SNX3: variants seen among roughly 807,000 people sequenced by gnomAD.
The protein encoded by SNX3 is sorting nexin-3.
In SNX3, 5 loss-of-function variants were observed where a neutral mutation model predicts 17.7. The ratio of observed to expected loss-of-function variants is 0.28; its 90% confidence interval spans 0.15 to 0.59. The LOEUF (loss-of-function observed/expected upper bound fraction) is 0.59. SNX3 is among the 20% of genes least tolerant of loss of function. The pLI is 0.88. For missense variants in SNX3, 132 were observed against 206.8 expected (o/e 0.64, Z 2.22); for synonymous variants, 91 against 76.5 (o/e 1.19, Z -0.99).
At chr6:108,253,001 C>T (rs950148061) in intron 1 of SNX3, among the ~76,000 whole-genome samples, 5 of 152,106 alleles carry the variant, frequency 3.3e-5, no homozygotes, top group African/African-American at 9.7e-5. Context: ...CACCATCTTT[C>T]TTATCTGATG....
At chr6:108,247,045 C>T (rs761357313) in intron 1 of SNX3, among the ~76,000 whole-genome samples, 9 of 152,226 alleles carry the variant, frequency 5.9e-5, no homozygotes, top group Non-Finnish European at 1.3e-4. Flanking sequence ...CCCAGGTGAC[C>T]GTATCATGGG....
At chr6:108,218,536 T>A (rs1162370137) in intron 2 of SNX3, among the ~76,000 whole-genome samples, 1 of 152,086 alleles carries the variant, frequency 6.6e-6, no homozygotes, top group East Asian at 1.9e-4. Flanking sequence ...TGAAAAGAAA[T>A]GAAAACACAT....
intron 1 of SNX3, among the ~76,000 whole-genome samples, chr6:108,259,291 T>C (rs933781844): frequency 6.6e-6 from 1 of 152,214 alleles, no homozygotes; most frequent in African/African-American, 2.4e-5. Context: ...TGGAGTGCAA[T>C]GGCCCGATCT....
At chr6:108,229,880 G>A (rs1026044465) in intron 1 of SNX3, among the ~76,000 whole-genome samples, 2 of 152,132 alleles carry the variant, frequency 1.3e-5, no homozygotes, top group African/African-American at 2.4e-5. Context: ...GTGAGCATCA[G>A]GAGTTAATAA....
chr6:108,259,029 T>C (rs927273625), intron 1 of SNX3, among the ~76,000 whole-genome samples: 1 of 152,104 alleles, frequency 6.6e-6, no homozygotes, highest in South Asian at 2.1e-4. Context: ...CCAAGTTCTG[T>C]TTTAGCACAA....
At chr6:108,221,355 C>T (rs377569830) in intron 2 of SNX3, among the ~76,000 whole-genome samples, 7 of 151,768 alleles carry the variant, frequency 4.6e-5, no homozygotes, top group African/African-American at 1.4e-4. Flanking sequence ...CCCCCTCCCC[C>T]GCAATTTACC....
At chr6:108,226,868 C>G (rs910139967) in intron 1 of SNX3, among the ~76,000 whole-genome samples, 2 of 152,180 alleles carry the variant, frequency 1.3e-5, no homozygotes, top group African/African-American at 2.4e-5. Context: ...AAGCATGAAA[C>G]CAAATCTCAC....
At chr6:108,245,834 C>A (rs1446370850) in intron 1 of SNX3, among the ~76,000 whole-genome samples, 2 of 152,116 alleles carry the variant, frequency 1.3e-5, no homozygotes, top group Non-Finnish European at 2.9e-5. Context: ...CTTGTAGATT[C>A]TGGATATTAG....
intron 1 of SNX3, among the ~76,000 whole-genome samples, chr6:108,243,363 A>G (rs941592184): frequency 6.6e-6 from 1 of 152,228 alleles, no homozygotes; most frequent in Non-Finnish European, 1.5e-5. Context: ...AAATAAAAAT[A>G]TAAGACAGTC....
intron 3 of SNX3, among the ~76,000 whole-genome samples, chr6:108,212,926 C>A (rs549863631): frequency 2.0e-4 from 26 of 127,378 alleles, no homozygotes; most frequent in South Asian, 2.7e-4. Context: ...GTTGCTCTAT[C>A]ACCCAGGCTA....
At chr6:108,242,790 TA>T (rs1775558934) in intron 1 of SNX3, among the ~76,000 whole-genome samples, 1 of 152,218 alleles carries the variant, frequency 6.6e-6, no homozygotes, top group African/African-American at 2.4e-5. Context: ...GTGAGCCCCT[TA>T]AAAGGGGGCT....
At chr6:108,248,262 A>G (rs926928707) in intron 1 of SNX3, among the ~76,000 whole-genome samples, 4 of 152,236 alleles carry the variant, frequency 2.6e-5, no homozygotes, top group African/African-American at 9.6e-5. Flanking sequence ...CCAGTTTGGA[A>G]GCTTCCAAAG....
rs75538341 is a variant in SNX3 at position 108,214,971 on chromosome 6, T to C, written c.259-349A>G. 7.7e-3 allele frequency among the ~76,000 whole-genome samples: 1,172 copies of C among 152,326 alleles called. 16 individuals carry two copies. Among genetic ancestry groups the C allele is most frequent in the African/African-American group, 0.027 (1,115 of 41,568 alleles). ...GCCACTTGGAGAAGGCAATGCCTTA[T>C]TGCAATGGAAACTGCAGAGATCAAA... On this transcript the variant is annotated intron_variant, in intron 2 of 3. Transcript: ENST00000230085.
At chr6:108,252,006 AG>A (rs1223612167) in intron 1 of SNX3, among the ~76,000 whole-genome samples, 2 of 151,834 alleles carry the variant, frequency 1.3e-5, no homozygotes, top group Non-Finnish European at 2.9e-5. Flanking sequence ...CAGAGGCTGC[AG>A]TAAGCTGAGA....
At chr6:108,221,264 A>C (rs1774761299) in intron 2 of SNX3, among the ~76,000 whole-genome samples, 1 of 150,500 alleles carries the variant, frequency 6.6e-6, no homozygotes, top group Admixed American at 6.6e-5. Flanking sequence ...CCCTTAGTTT[A>C]GCTTTGTTTT....
chr6:108,242,525 A>C (rs1775550659), intron 1 of SNX3, among the ~76,000 whole-genome samples: 1 of 152,206 alleles, frequency 6.6e-6, no homozygotes, highest in African/African-American at 2.4e-5. Flanking sequence ...GAGCGCTCAA[A>C]GAAAAAAAGA....
intron 2 of SNX3, among the ~76,000 whole-genome samples, chr6:108,221,531 A>ATTTTTT (rs1562421607): frequency 2.5e-5 from 2 of 78,446 alleles, no homozygotes; most frequent in South Asian, 4.7e-4. Context: ...ACAGTATTAC[A>ATTTTTT]CTTTTTTTTT....
At chr6:108,238,589 A>G (rs377408809) in intron 1 of SNX3, among the ~76,000 whole-genome samples, 18 of 151,910 alleles carry the variant, frequency 1.2e-4, no homozygotes, top group African/African-American at 4.1e-4. Flanking sequence ...ACACAGTGAA[A>G]CCTCCACCTC....
In SNX3 at chr6:108,260,948, G is replaced by A; in HGVS notation, c.-27C>T. The A allele has an allele frequency of 4.5e-6, 7 of 1,540,150 alleles. No individual in the cohort carries two copies. Among genetic ancestry groups the A allele is most frequent in the Non-Finnish European group, 6.1e-6 (7 of 1,145,762 alleles). On this transcript the variant is annotated 5_prime_UTR_variant, in exon 1 of 4. Transcript: ENST00000230085. ...TCGCTGTAGCTGCTGCCGCCGCCGC[G>A]GGCTCCCTCCGCCCCCTCCGCGTTC...
Sources: allele counts gnomAD v4.1 joint callset (sites outside exome capture counted in the v4.1 genomes callset), GRCh38; gene constraint gnomAD v4.1.1; transcripts MANE v1.5; gene names NCBI Gene and HGNC (gene_info 2026-07-23, HGNC 2026-07-21).